SH3RF2: variants seen among roughly 807,000 people sequenced by gnomAD.
The protein encoded by SH3RF2 is E3 ubiquitin-protein ligase SH3RF2.
In SH3RF2, 43 loss-of-function variants were observed where a neutral mutation model predicts 59.0. That is an observed-to-expected ratio of 0.73 (90% CI 0.57 to 0.94). The LOEUF (loss-of-function observed/expected upper bound fraction) is 0.94, where lower values mean the gene tolerates loss of function less well. Ranked by LOEUF, SH3RF2 falls within the 40% of genes least tolerant of loss-of-function variation. The pLI is 0.00. For synonymous variants in SH3RF2, 391 were observed against 391.5 expected (o/e 1.00, Z 0.01); for missense variants, 930 against 940.1 (o/e 0.99, Z 0.14).
intron 7 of SH3RF2, among the ~76,000 whole-genome samples, chr5:146,051,403 A>G (rs1047199717): frequency 3.9e-5 from 6 of 152,144 alleles, no homozygotes; most frequent in African/African-American, 1.4e-4. Context: ...GAAAAGGGGG[A>G]AGCAGAAAAA....
rs955460184 is a variant in SH3RF2, at chr5:145,956,009, T to C, written c.378+17703T>C. Among the ~76,000 whole-genome samples the C allele has an allele frequency of 5.3e-5, 8 of 151,806 alleles. No individual in the cohort carries two copies. The East Asian group carries it at 1.4e-3, about 26-fold the overall frequency. ...AAAAGGGTAAGTTAAGATAAAGGAG[T>C]GTGGAAGCATGCATGGAATAGACCA... On this transcript the variant is annotated intron_variant, in intron 2 of 9. Transcript: ENST00000359120.
chr5:145,961,874 A>G (rs1758644201), intron 2 of SH3RF2, among the ~76,000 whole-genome samples: 1 of 152,182 alleles, frequency 6.6e-6, no homozygotes, highest in Admixed American at 6.5e-5. Context: ...AGTTAGTTTC[A>G]TGGGGATTTG....
At chr5:145,970,413 GTC>G (rs908342551) in intron 2 of SH3RF2, among the ~76,000 whole-genome samples, 4 of 152,026 alleles carry the variant, frequency 2.6e-5, no homozygotes, top group African/African-American at 9.7e-5. Context: ...TAGAATCAGG[GTC>G]TCCAACTCCA....
At chr5:145,973,093 A>T (rs990265903) in intron 2 of SH3RF2, among the ~76,000 whole-genome samples, 2 of 152,228 alleles carry the variant, frequency 1.3e-5, no homozygotes, top group African/African-American at 2.4e-5. Context: ...AAGGCATTCT[A>T]GAGTAAATGA....
At chr5:146,053,939 T>A (rs1256259180) in intron 7 of SH3RF2, among the ~76,000 whole-genome samples, 1 of 152,128 alleles carries the variant, frequency 6.6e-6, no homozygotes, top group African/African-American at 2.4e-5. Flanking sequence ...CCTTTTTGAA[T>A]ATTGGGCCAG....
chr5:145,961,691 G>A (rs1758638899), intron 2 of SH3RF2, among the ~76,000 whole-genome samples: 1 of 152,188 alleles, frequency 6.6e-6, no homozygotes, highest in South Asian at 2.1e-4. Flanking sequence ...GTTGATCAGG[G>A]CAGATGTGAG....
chr5:145,982,030 T>A (rs968353613), intron 2 of SH3RF2, among the ~76,000 whole-genome samples: 2 of 152,244 alleles, frequency 1.3e-5, no homozygotes, highest in Non-Finnish European at 2.9e-5. Context: ...TGTGGTAGAC[T>A]CTACTTCTGC....
intron 5 of SH3RF2, among the ~76,000 whole-genome samples, chr5:146,030,405 T>C (rs1174056204): frequency 1.3e-5 from 2 of 152,208 alleles, no homozygotes; most frequent in African/African-American, 2.4e-5. Context: ...GAGAGTTTAC[T>C]ACTTTAATCA....
rs756609677 is a variant in SH3RF2 at position 146,062,436 on chromosome 5, C to A, written c.1925C>A (p.Thr642Asn). The A allele has an allele frequency of 5.6e-6, 9 of 1,613,706 alleles. No homozygotes were observed. In the Admixed American group the frequency reaches 1.3e-4, roughly 24 times the overall value. Residue 642 changes from threonine (T) to asparagine (N), a missense_variant, in exon 10 of 10, where the codon ACC (threonine) becomes AAC (asparagine). Thr to Asn is a moderately conservative substitution (Grantham distance 65, BLOSUM62 0). Transcript: ENST00000359120. ...TCCTTTCTCTTGCAGCAAGTCAAAACCGTGAGATTTCAGAATTACAGCCCT... is the reference window on the plus strand; with the variant it reads ...TCCTTTCTCTTGCAGCAAGTCAAAAACGTGAGATTTCAGAATTACAGCCCT... ...SRNGIEKQVK[T>N]VRFQNYSPPP...
In SH3RF2 at chr5:146,062,383, C is replaced by A. The variant is rs58121726; in HGVS notation, c.1915-43C>A. 6.8e-3 allele frequency: 10,867 copies of A among 1,593,184 alleles called. 593 individuals carry two copies. In the African/African-American group the frequency reaches 0.12, roughly 18 times the overall value. ...GGGACAAGCATGGGGAAATAGACAT[C>A]TCCCACCTCACCTGTGTCCATTTCC... is the stretch of plus-strand genomic sequence containing the variant. On this transcript the variant is annotated intron_variant, in intron 9 of 9. Transcript: ENST00000359120.
In SH3RF2 at chr5:146,038,100, C is replaced by A. The variant is rs927489956; in HGVS notation, c.1060-9672C>A. On this transcript the variant is annotated intron_variant, in intron 5 of 9. Coordinates refer to ENST00000359120, the MANE Select transcript of SH3RF2 (RefSeq NM_152550.4). ...AAAAATGTGATATTTTCAATAGGTA[C>A]AGAAAATGTTTGATAAAATTTTATG... Among the ~76,000 whole-genome samples, 15 of 152,134 alleles carry A rather than the reference C, an allele frequency of 9.9e-5. 3 individuals carry two copies. Among genetic ancestry groups the A allele is most frequent in the African/African-American group, 3.6e-4 (15 of 41,504 alleles).
At chr5:146,011,658 C>G (rs1271660450) in intron 4 of SH3RF2, among the ~76,000 whole-genome samples, 8 of 152,122 alleles carry the variant, frequency 5.3e-5, no homozygotes, top group Non-Finnish European at 4.4e-5. Context: ...AATGGGAGTT[C>G]GCTCATGATT....
In SH3RF2 at chr5:145,947,833, A is replaced by G. The variant is rs144953168; in HGVS notation, c.378+9527A>G. Reference sequence around the variant, plus strand: ...TCCAAAAGTGAGAGAGACAGGATCCATGTCCTCAATAGCTTGTGGTCTTTT... The same window carrying G: ...TCCAAAAGTGAGAGAGACAGGATCCGTGTCCTCAATAGCTTGTGGTCTTTT... On this transcript the variant is annotated intron_variant, in intron 2 of 9. Coordinates refer to ENST00000359120, the MANE Select transcript of SH3RF2 (RefSeq NM_152550.4). 5.4e-3 allele frequency among the ~76,000 whole-genome samples: 826 copies of G among 152,330 alleles called. 4 individuals carry two copies. Among genetic ancestry groups the G allele is most frequent in the South Asian group, 0.019 (91 of 4,828 alleles).
intron 9 of SH3RF2, among the ~76,000 whole-genome samples, chr5:146,075,801 AAAAAAAG>A (rs1171979184): frequency 7.0e-6 from 1 of 142,348 alleles, no homozygotes. Context: ...AAAAAAAAAA[AAAAAAAG>A]GATGAAAAAG....
intron 2 of SH3RF2, among the ~76,000 whole-genome samples, chr5:145,945,115 A>T (rs1757962029): frequency 6.6e-6 from 1 of 152,202 alleles, no homozygotes; most frequent in African/African-American, 2.4e-5. Context: ...GGTATTCATT[A>T]TAAGATGTAT....
intron 9 of SH3RF2, among the ~76,000 whole-genome samples, chr5:146,070,370 T>C (rs571526599): frequency 6.6e-6 from 1 of 152,172 alleles, no homozygotes; most frequent in South Asian, 2.1e-4. Flanking sequence ...AACCATGAGG[T>C]TAGGTCTTGC....
At chr5:145,980,271 C>T (rs1759459850) in intron 2 of SH3RF2, among the ~76,000 whole-genome samples, 1 of 152,174 alleles carries the variant, frequency 6.6e-6, no homozygotes, top group Admixed American at 6.5e-5. Flanking sequence ...CTCCCCTCCC[C>T]AAATTAATTA....
At chr5:145,986,133 C>T (rs1759695945) in intron 2 of SH3RF2, among the ~76,000 whole-genome samples, 1 of 152,118 alleles carries the variant, frequency 6.6e-6, no homozygotes, top group Non-Finnish European at 1.5e-5. Context: ...AGGTTCAGTA[C>T]CTCATTCAAG....
chr5:146,059,986 T>TCC lies in SH3RF2; in HGVS notation c.1679_1680dup (p.Ser561ProfsTer68). On this transcript the variant is annotated frameshift_variant, in exon 9 of 10. Coordinates refer to ENST00000359120, the MANE Select transcript of SH3RF2 (RefSeq NM_152550.4). LOFTEE classifies it high-confidence loss of function. The stretch of plus-strand genomic sequence containing the variant: ...TTCCAATTCTACCAGCCACAGGGGA[T>TCC]CCCCTCCTCCCCCTCAGCCGTGGTG... 6.3e-7 allele frequency: 1 copy of TCC among 1,586,432 alleles called. No individual in the cohort carries two copies.
Sources: gnomAD v4.1 joint callset for allele counts (sites outside exome capture counted in the v4.1 genomes callset) on GRCh38, gnomAD v4.1.1 for gene constraint, MANE v1.5 for transcripts, NCBI Gene and HGNC (gene_info 2026-07-23, HGNC 2026-07-21) for gene names.